Variants in CEP63 observed in about 807,000 individuals in gnomAD.
CEP63 encodes centrosomal protein 63.
In CEP63, 84 loss-of-function variants were observed where a neutral mutation model predicts 89.1. That is an observed-to-expected ratio of 0.94 (90% CI 0.79 to 1.13). CEP63 has a LOEUF of 1.13. Among genes scored for constraint, CEP63 ranks in the 50% most tolerant of loss-of-function variants. The probability of loss-of-function intolerance (pLI) is 0.00; values close to 1 mark genes in which losing one functional copy is unlikely to be tolerated. For missense variants in CEP63, 838 were observed against 813.3 expected (o/e 1.03, Z -0.37); for synonymous variants, 267 against 272.5 (o/e 0.98, Z 0.20).
At chr3:134,500,045 C>T (rs752684251) in intron 2 of CEP63, among the ~76,000 whole-genome samples, 17 of 152,038 alleles carry the variant, frequency 1.1e-4, no homozygotes, top group Non-Finnish European at 1.5e-4. Context: ...AGGCTGGTCT[C>T]GAACTCCTGA....
chr3:134,610,374 T>G, the CEP63 span: 1 of 1,611,144 alleles, frequency 6.2e-7, no homozygotes, highest in Non-Finnish European at 8.5e-7. Flanking sequence ...TACACTGCAC[T>G]CCGGCGAGCC....
the CEP63 span, chr3:134,604,034 A>G: frequency 1.2e-6 from 2 of 1,613,968 alleles, no homozygotes; most frequent in Non-Finnish European, 1.7e-6. Context: ...TGGAAGATGT[A>G]GCGCCGCTGT....
chr3:134,707,576 C>G, the CEP63 span, among the ~76,000 whole-genome samples: 4 of 152,164 alleles, frequency 2.6e-5, no homozygotes, highest in African/African-American at 4.8e-5. Flanking sequence ...TCTCCTCTTG[C>G]TCTTCCCCCT....
chr3:134,721,950 TTGTC>T, the CEP63 span, among the ~76,000 whole-genome samples: 1 of 152,120 alleles, frequency 6.6e-6, no homozygotes, highest in East Asian at 1.9e-4. Flanking sequence ...TGTGATATCT[TTGTC>T]TGGTTTTGGC....
intron 2 of CEP63, among the ~76,000 whole-genome samples, chr3:134,505,485 C>T (rs145829572): frequency 1.4e-3 from 206 of 152,254 alleles, no homozygotes; most frequent in African/African-American, 4.8e-3. Context: ...CTGGTCATCA[C>T]GTACCAGACA....
the CEP63 span, among the ~76,000 whole-genome samples, chr3:134,740,666 A>T: frequency 6.6e-6 from 1 of 152,088 alleles, no homozygotes; most frequent in Non-Finnish European, 1.5e-5. Flanking sequence ...GCCTGCTAGC[A>T]GCCTGAACAT....
chr3:134,665,593 C>A, the CEP63 span, among the ~76,000 whole-genome samples: 1 of 151,622 alleles, frequency 6.6e-6, no homozygotes, highest in African/African-American at 2.4e-5. Flanking sequence ...TTCCCGGCCG[C>A]CAGCCCGGAG....
intron 3 of CEP63, among the ~76,000 whole-genome samples, chr3:134,521,680 A>G (rs1392514105): frequency 6.6e-6 from 1 of 152,196 alleles, no homozygotes; most frequent in East Asian, 1.9e-4. Context: ...AGATCTGTGA[A>G]TATCTTAGTC....
chr3:134,501,092 A>C (rs1454335318), intron 2 of CEP63, among the ~76,000 whole-genome samples: 1 of 152,126 alleles, frequency 6.6e-6, no homozygotes, highest in East Asian at 1.9e-4. Context: ...TATTGAACAG[A>C]GTATCCTTTC....
At chr3:134,514,400 A>G (rs1945751900) in intron 3 of CEP63, among the ~76,000 whole-genome samples, 1 of 152,168 alleles carries the variant, frequency 6.6e-6, no homozygotes, top group Non-Finnish European at 1.5e-5. Flanking sequence ...GAGAATGGGC[A>G]CAAAAGATAT....
chr3:134,500,486 T>A (rs1432732488), intron 2 of CEP63, among the ~76,000 whole-genome samples: 1 of 152,168 alleles, frequency 6.6e-6, no homozygotes, highest in Non-Finnish European at 1.5e-5. Flanking sequence ...CGATTGGTAG[T>A]CTCATTCTAT....
chr3:134,729,317 T>C, the CEP63 span, among the ~76,000 whole-genome samples: 2 of 152,232 alleles, frequency 1.3e-5, no homozygotes. Flanking sequence ...AAAATACTTT[T>C]ATATTCTCCC....
chr3:134,486,051 G>T (rs1479336733), upstream of CEP63: 3 of 985,146 alleles, frequency 3.0e-6, no homozygotes, highest in African/African-American at 3.5e-5. Context: ...TCCCGGATGT[G>T]GGTGAGTTCA....
chr3:134,755,228 ACCCTGAG>A, the CEP63 span, among the ~76,000 whole-genome samples: 138,726 of 150,490 alleles, frequency 0.92, 64,735 homozygotes, highest in East Asian at 1. Flanking sequence ...AGAGCCCTGA[ACCCTGAG>A]CCCTGAGCCC....
At chr3:134,773,734 A>G in the CEP63 span, among the ~76,000 whole-genome samples, 733 of 152,198 alleles carry the variant, frequency 4.8e-3, 8 homozygotes, top group African/African-American at 0.016. Flanking sequence ...CCCTGATTAA[A>G]TGTTGCCTCC....
the CEP63 span, among the ~76,000 whole-genome samples, chr3:134,671,284 T>C: frequency 2.0e-5 from 3 of 152,130 alleles, no homozygotes; most frequent in Non-Finnish European, 4.4e-5. Context: ...AGCTAAACAA[T>C]GGCACACATG....
chr3:134,766,563 T>C, the CEP63 span, among the ~76,000 whole-genome samples: 1 of 152,230 alleles, frequency 6.6e-6, no homozygotes, highest in African/African-American at 2.4e-5. Flanking sequence ...AATGTTCCTA[T>C]CCACCTGCCT....
chr3:134,533,033 G>GGATCACCCTCTCACCTCTGAA, intron 5 of CEP63, 133 bp downstream of exon 5: 1 of 894,578 alleles, frequency 1.1e-6, no homozygotes, highest in Non-Finnish European at 1.8e-6. Context: ...TTTCAGAGGT[G>GGATCACCCTCTCACCTCTGAA]AGAGGGTGAT....
At chr3:134,672,709 T>C in the CEP63 span, among the ~76,000 whole-genome samples, 1 of 152,200 alleles carries the variant, frequency 6.6e-6, no homozygotes, top group African/African-American at 2.4e-5. Flanking sequence ...GTCTTCCTCT[T>C]ACTGTTGGTC....
Sources: allele counts gnomAD v4.1 joint callset (sites outside exome capture counted in the v4.1 genomes callset), GRCh38; gene constraint gnomAD v4.1.1; transcripts MANE v1.5; gene names NCBI Gene and HGNC (gene_info 2026-07-23, HGNC 2026-07-21).